The following TMEM266 variants were observed in gnomAD, a reference collection of about 807,000 sequenced individuals.
TMEM266 encodes the protein transmembrane protein 266, also known as Hv1 related protein 1.
In TMEM266, 33 loss-of-function variants were observed where a neutral mutation model predicts 50.5. The ratio of observed to expected loss-of-function variants is 0.65; its 90% confidence interval spans 0.50 to 0.87. The LOEUF is 0.87. Ranked by LOEUF, TMEM266 falls within the 40% of genes least tolerant of loss-of-function variation. The pLI is 0.00. For synonymous variants in TMEM266, 310 were observed against 292.3 expected, an observed-to-expected ratio of 1.06 and a Z score of -0.62; for missense variants, 655 against 695.1, an observed-to-expected ratio of 0.94 and a Z score of 0.65.
chr15:76,195,378 G>A (rs564797545), intron 9 of TMEM266, among the ~76,000 whole-genome samples: 9 of 152,324 alleles, frequency 5.9e-5, no homozygotes, highest in Admixed American at 2.6e-4. Flanking sequence ...GGAGCCCTGC[G>A]TCTTCTCTGG....
chr15:76,177,627 G>A (rs887507479), intron 8 of TMEM266, among the ~76,000 whole-genome samples: 6 of 152,378 alleles, frequency 3.9e-5, no homozygotes, highest in Admixed American at 2.0e-4. Context: ...TCAGGGGCAC[G>A]TTGTCCAAGG....
At chr15:76,172,781 C>T (rs1170341658) in intron 7 of TMEM266, among the ~76,000 whole-genome samples, 1 of 152,216 alleles carries the variant, frequency 6.6e-6, no homozygotes, top group East Asian at 1.9e-4. Context: ...AGACCCCTGA[C>T]ACCCACCAGC....
intron 3 of TMEM266, among the ~76,000 whole-genome samples, chr15:76,146,165 C>G (rs2037751498): frequency 1.3e-5 from 2 of 152,076 alleles, no homozygotes; most frequent in African/African-American, 4.8e-5. Context: ...AGAGTCTGCA[C>G]CCTAGAGAGG....
At chr15:76,190,608 G>A (rs921754777) in intron 8 of TMEM266, among the ~76,000 whole-genome samples, 1 of 152,054 alleles carries the variant, frequency 6.6e-6, no homozygotes. Context: ...TGGGGTGGGG[G>A]AAAGGGAGGA....
chr15:76,200,427 C>T (rs933096380), intron 9 of TMEM266, among the ~76,000 whole-genome samples: 1 of 152,222 alleles, frequency 6.6e-6, no homozygotes, highest in Non-Finnish European at 1.5e-5. Context: ...GGGATGGGAC[C>T]TGCTTGAGCC....
intron 1 of TMEM266, among the ~76,000 whole-genome samples, chr15:76,093,138 CT>C (rs772389309): frequency 6.6e-6 from 1 of 151,066 alleles, no homozygotes; most frequent in Non-Finnish European, 1.5e-5. Flanking sequence ...TTTATTTATT[CT>C]TTTTTTTATT....
intron 1 of TMEM266, among the ~76,000 whole-genome samples, chr15:76,098,729 C>T (rs1408636327): frequency 6.6e-6 from 1 of 152,100 alleles, no homozygotes; most frequent in Non-Finnish European, 1.5e-5. Flanking sequence ...GGGATTTTAT[C>T]TATAAGTCCC....
At chr15:76,141,553 TA>T (rs1413620508) in intron 3 of TMEM266, among the ~76,000 whole-genome samples, 1 of 152,154 alleles carries the variant, frequency 6.6e-6, no homozygotes, top group Non-Finnish European at 1.5e-5. Flanking sequence ...TGTACTTTTT[TA>T]AAAAAGCATT....
At chr15:76,123,651 C>G (rs1294297278) in intron 1 of TMEM266, among the ~76,000 whole-genome samples, 1 of 152,162 alleles carries the variant, frequency 6.6e-6, no homozygotes, top group Non-Finnish European at 1.5e-5. Context: ...CCTGCTTCTT[C>G]CTTGCTAAGA....
intron 1 of TMEM266, among the ~76,000 whole-genome samples, chr15:76,083,138 A>G (rs1009996582): frequency 9.2e-5 from 14 of 152,114 alleles, no homozygotes; most frequent in Non-Finnish European, 2.1e-4. Flanking sequence ...ATCTTTCAGC[A>G]TGAGATTTGG....
At chr15:76,143,323 C>T (rs1456704088) in intron 3 of TMEM266, among the ~76,000 whole-genome samples, 1 of 152,194 alleles carries the variant, frequency 6.6e-6, no homozygotes, top group Non-Finnish European at 1.5e-5. Flanking sequence ...CTTCACCCCT[C>T]CCATTCATGT....
intron 1 of TMEM266, among the ~76,000 whole-genome samples, chr15:76,074,570 T>C (rs77900136): frequency 0.022 from 3,361 of 152,140 alleles, 159 homozygotes; most frequent in African/African-American, 0.077. Flanking sequence ...GCCTGTGGAA[T>C]GAGAATGTCG....
At chr15:76,100,284 C>T (rs1209393092) in intron 1 of TMEM266, among the ~76,000 whole-genome samples, 2 of 152,156 alleles carry the variant, frequency 1.3e-5, no homozygotes, top group Admixed American at 6.5e-5. Context: ...TTTATATACT[C>T]CTGAACCATT....
chr15:76,100,835 C>T (rs1394066358), intron 1 of TMEM266, among the ~76,000 whole-genome samples: 1 of 152,088 alleles, frequency 6.6e-6, no homozygotes, highest in Non-Finnish European at 1.5e-5. Context: ...TGTGTTCAAC[C>T]CCATGATTTT....
chr15:76,146,949 A>G (rs2037766404), intron 3 of TMEM266, among the ~76,000 whole-genome samples: 2 of 152,388 alleles, frequency 1.3e-5, no homozygotes, highest in Admixed American at 1.3e-4. Context: ...GGCAGGGATC[A>G]GATCACTTGA....
chr15:76,090,121 G>A (rs1178162650), intron 1 of TMEM266, among the ~76,000 whole-genome samples: 1 of 152,152 alleles, frequency 6.6e-6, no homozygotes, highest in African/African-American at 2.4e-5. Context: ...TGCTAGATGA[G>A]CTATTTCAGA....
At chr15:76,061,261 A>G (rs2036297676) in intron 1 of TMEM266, among the ~76,000 whole-genome samples, 1 of 152,244 alleles carries the variant, frequency 6.6e-6, no homozygotes, top group Non-Finnish European at 1.5e-5. Flanking sequence ...CGAGAAGGAC[A>G]TGTTTCTTAA....
chr15:76,133,453 AAAAT>A (rs2037545423), intron 1 of TMEM266, among the ~76,000 whole-genome samples: 1 of 152,152 alleles, frequency 6.6e-6, no homozygotes. Flanking sequence ...ATAAATAAAT[AAAAT>A]AAATAATAAT....
intron 3 of TMEM266, among the ~76,000 whole-genome samples, chr15:76,150,400 A>C (rs2037820596): frequency 6.6e-6 from 1 of 152,144 alleles, no homozygotes; most frequent in Non-Finnish European, 1.5e-5. Flanking sequence ...TGAAGGATGA[A>C]AATCTCAAAG....
Sources: gnomAD v4.1 joint callset for allele counts (sites outside exome capture counted in the v4.1 genomes callset) on GRCh38, gnomAD v4.1.1 for gene constraint, MANE v1.5 for transcripts, NCBI Gene and HGNC (gene_info 2026-07-23, HGNC 2026-07-21) for gene names.